Variants in GLRA2 observed in about 807,000 individuals in gnomAD.
The protein encoded by GLRA2 is glycine receptor alpha 2, also known as glycine receptor subunit alpha-2.
A neutral mutation model predicts 31.6 loss-of-function variants in GLRA2; 11 were observed. That is an observed-to-expected ratio of 0.35 (90% CI 0.22 to 0.58). GLRA2 has a LOEUF of 0.58. Among genes scored for constraint, GLRA2 ranks in the 20% least tolerant of loss-of-function variants. The pLI is 0.84. For synonymous variants in GLRA2, 132 were observed against 134.0 expected (o/e 0.99, Z 0.10); for missense variants, 212 against 351.8 (o/e 0.60, Z 3.18).
intron 2 of GLRA2, among the ~76,000 whole-genome samples, chrX:14,535,878 C>T (rs1191961747): frequency 1.8e-5 from 2 of 112,416 alleles, no homozygotes; most frequent in Non-Finnish European, 3.8e-5. Flanking sequence ...GGGCAAAATG[C>T]ATTAGTTCCA....
chrX:14,625,021 A>T (rs2090571067), intron 7 of GLRA2, among the ~76,000 whole-genome samples: 2 of 111,678 alleles, frequency 1.8e-5, no homozygotes, highest in African/African-American at 6.5e-5. Flanking sequence ...TTGCTTTATG[A>T]ATCTTTGTGC....
chrX:14,616,486 C>T (rs2090455690), intron 7 of GLRA2, among the ~76,000 whole-genome samples: 1 of 111,353 alleles, frequency 9.0e-6, no homozygotes, highest in Non-Finnish European at 1.9e-5. Context: ...ACCAGCTGGA[C>T]CATTTCAAGC....
chrX:14,720,397 G>A (rs1183751733), intron 8 of GLRA2, among the ~76,000 whole-genome samples: 1 of 111,872 alleles, frequency 8.9e-6, no homozygotes, highest in East Asian at 2.8e-4. Flanking sequence ...AGCATCTCAG[G>A]TTAAGCATTT....
intron 7 of GLRA2, among the ~76,000 whole-genome samples, chrX:14,629,175 C>A (rs151238165): frequency 3.6e-5 from 4 of 111,137 alleles, no homozygotes; most frequent in Non-Finnish European, 5.7e-5. Context: ...TAGGCTTGAC[C>A]GAAGGACAAC....
chrX:14,594,954 A>C lies in GLRA2; in HGVS notation c.495-9361A>C, dbSNP rs946034268. 6.0e-4 allele frequency among the ~76,000 whole-genome samples: 66 copies of C among 110,092 alleles called. 1 individual carries two copies. The highest frequency in any genetic ancestry group is 4.3e-3 in the East Asian group (15 of 3,519). ...AAGGTCAACAGGAAAAAAAAAAAAA[A>C]AAAAAACAGCAAAAGTGCTTATTTG... On this transcript the variant is annotated intron_variant, in intron 4 of 8. Coordinates refer to ENST00000218075, the MANE Select transcript of GLRA2 (RefSeq NM_002063.4).
intron 8 of GLRA2, among the ~76,000 whole-genome samples, chrX:14,694,708 A>G (rs1384415924): frequency 8.9e-6 from 1 of 112,548 alleles, no homozygotes; most frequent in African/African-American, 3.2e-5. Flanking sequence ...ACTTCTTACT[A>G]TGTGCCAGGC....
chrX:14,654,495 C>CT (rs1413269053), intron 7 of GLRA2, among the ~76,000 whole-genome samples: 1 of 111,844 alleles, frequency 8.9e-6, no homozygotes, highest in Non-Finnish European at 1.9e-5. Flanking sequence ...GTTTGACTCA[C>CT]TTTTTTGCAA....
chrX:14,504,449 T>G, the GLRA2 span, among the ~76,000 whole-genome samples: 1 of 111,506 alleles, frequency 9.0e-6, no homozygotes. Flanking sequence ...AGAACCTGTC[T>G]GGGATTCTGA....
chrX:14,632,158 C>T (rs1330510038), intron 7 of GLRA2, among the ~76,000 whole-genome samples: 3 of 106,742 alleles, frequency 2.8e-5, no homozygotes, highest in African/African-American at 1.0e-4. Context: ...TTGTTTCCTA[C>T]CTTTCAGGGA....
chrX:14,598,245 T>C (rs920976206), intron 4 of GLRA2, among the ~76,000 whole-genome samples: 14 of 112,025 alleles, frequency 1.2e-4, no homozygotes, highest in African/African-American at 3.9e-4. Context: ...TCTCCAAAAA[T>C]AGCATGTTGT....
intron 4 of GLRA2, among the ~76,000 whole-genome samples, chrX:14,600,275 A>C (rs2090253676): frequency 9.0e-6 from 1 of 111,485 alleles, no homozygotes; most frequent in African/African-American, 3.3e-5. Flanking sequence ...AAACAGTCAA[A>C]TTCAGCAAGC....
the GLRA2 span, among the ~76,000 whole-genome samples, chrX:14,488,770 G>C: frequency 8.9e-6 from 1 of 112,347 alleles, no homozygotes; most frequent in African/African-American, 3.2e-5. Context: ...AGTATTCATA[G>C]CTATAACAAG....
chrX:14,701,930 T>C (rs1056966680), intron 8 of GLRA2, among the ~76,000 whole-genome samples: 1 of 112,060 alleles, frequency 8.9e-6, no homozygotes, highest in Admixed American at 9.5e-5. Flanking sequence ...AATATTTCAG[T>C]GCAGAATGTT....
the GLRA2 span, among the ~76,000 whole-genome samples, chrX:14,505,537 CAG>C: frequency 9.0e-6 from 1 of 111,712 alleles, no homozygotes; most frequent in Non-Finnish European, 1.9e-5. Flanking sequence ...AGGGGAATGT[CAG>C]AGAATAAATA....
chrX:14,553,300 A>T (rs1284398903), intron 2 of GLRA2, among the ~76,000 whole-genome samples: 1 of 111,709 alleles, frequency 9.0e-6, no homozygotes, highest in African/African-American at 3.3e-5. Flanking sequence ...TTGGCTAGTG[A>T]TATATACTCA....
At chrX:14,518,559 T>C in the GLRA2 span, among the ~76,000 whole-genome samples, 1 of 112,157 alleles carries the variant, frequency 8.9e-6, no homozygotes, top group Non-Finnish European at 1.9e-5. Flanking sequence ...ATCCTTGATA[T>C]GTACAATTAC....
At chrX:14,513,753 A>C in the GLRA2 span, among the ~76,000 whole-genome samples, 1 of 111,701 alleles carries the variant, frequency 9.0e-6, no homozygotes, top group Admixed American at 9.5e-5. Flanking sequence ...ATAATCAAAA[A>C]ATCAAAAAAT....
chrX:14,562,482 A>G (rs925227213), intron 2 of GLRA2, among the ~76,000 whole-genome samples: 1 of 111,910 alleles, frequency 8.9e-6, no homozygotes, highest in East Asian at 2.8e-4. Context: ...TAACCTTTCT[A>G]TAGGCTACCA....
intron 8 of GLRA2, among the ~76,000 whole-genome samples, chrX:14,708,375 GCAGTCACAGACACAGTAGGAGGGGT>G (rs1032865843): frequency 2.7e-5 from 3 of 111,613 alleles, no homozygotes; most frequent in African/African-American, 9.8e-5. Flanking sequence ...CCCTCAAGAG[GCAGTCACAGACACAGTAGGAGGGGT>G]CATTTGGTTG....
Sources: allele counts gnomAD v4.1 joint callset (sites outside exome capture counted in the v4.1 genomes callset), GRCh38; gene constraint gnomAD v4.1.1; transcripts MANE v1.5; gene names NCBI Gene and HGNC (gene_info 2026-07-23, HGNC 2026-07-21).